The following EPAS1 variants were observed in gnomAD, a reference collection of about 807,000 sequenced individuals.
EPAS1 encodes endothelial PAS domain-containing protein 1.
EPAS1 carries 23 observed loss-of-function variants against 87.9 expected under a neutral mutation model. The ratio of observed to expected loss-of-function variants is 0.26; its 90% CI spans 0.19 to 0.37. EPAS1 has a LOEUF of 0.37. EPAS1 is among the 10% of genes least tolerant of loss of function. The pLI is 1.00. For missense variants in EPAS1, 1,138 were observed against 1,120.7 expected (o/e 1.02, Z -0.22); for synonymous variants, 508 against 444.3 (o/e 1.14, Z -1.80).
chr2:46,307,940 G>A (rs1245507554), intron 1 of EPAS1, among the ~76,000 whole-genome samples: 1 of 152,138 alleles, frequency 6.6e-6, no homozygotes, highest in Non-Finnish European at 1.5e-5. Context: ...GACACTCAGG[G>A]CCTCAGTAAA....
chr2:46,382,190 G>C, intron 14 of EPAS1, 101 bp downstream of exon 14: 1 of 1,169,480 alleles, frequency 8.6e-7, no homozygotes, highest in Non-Finnish European at 1.2e-6. Context: ...GGCCGTACCT[G>C]CCTCTCTGAG....
intron 1 of EPAS1, among the ~76,000 whole-genome samples, chr2:46,308,227 C>T (rs1346212930): frequency 2.6e-5 from 4 of 152,106 alleles, no homozygotes; most frequent in Admixed American, 6.5e-5. Flanking sequence ...TATTGTGAGC[C>T]CAGGCTTCCC....
In EPAS1 at chr2:46,347,444, A is replaced by G. The variant is rs1385885353; in HGVS notation, c.217+381A>G. 10 of 323,796 alleles carry G rather than the reference A, an allele frequency of 3.1e-5. No individual in the cohort carries two copies. The highest frequency in any genetic ancestry group is 1.2e-5 in the Non-Finnish European group (2 of 167,058). The allele number at this position is 323,796 out of a possible 1,614,324, so 20.1% of individuals were successfully genotyped here. A position where few individuals can be genotyped will look rare whatever the true frequency, so the allele number is the denominator to read the frequency against. Reference sequence around the variant, plus strand: ...GGAAGCATTCTAATCCTTAACTTCCAGTGCCTTCTCCAGAACAGCAAGAAG... The same window carrying G: ...GGAAGCATTCTAATCCTTAACTTCCGGTGCCTTCTCCAGAACAGCAAGAAG... On this transcript the variant is annotated intron_variant, in intron 2 of 15. Transcript: ENST00000263734. The surrounding 1 kb of genome is among the most constrained non-coding windows in gnomAD (Gnocchi z 4.2).
In EPAS1 at chr2:46,347,104, C is replaced by T; in HGVS notation, c.217+41C>T. 4 of 1,611,336 alleles carry T rather than the reference C, an allele frequency of 2.5e-6. No individual in the cohort carries two copies. The highest frequency in any genetic ancestry group is 3.4e-6 in the Non-Finnish European group (4 of 1,177,508). On this transcript the variant is annotated intron_variant, in intron 2 of 15. Coordinates refer to ENST00000263734, the MANE Select transcript of EPAS1 (RefSeq NM_001430.5). The surrounding 1 kb of genome is among the most constrained non-coding windows in gnomAD (Gnocchi z 4.2). ...TCCCCTAGGCTGGGCAGATGCCAGCCTTACCAGCATGTTCCTATATGCAGG... is the reference window on the plus strand; with the variant it reads ...TCCCCTAGGCTGGGCAGATGCCAGCTTTACCAGCATGTTCCTATATGCAGG...
intron 1 of EPAS1, among the ~76,000 whole-genome samples, chr2:46,312,437 A>G (rs1683230695): frequency 6.6e-6 from 1 of 152,234 alleles, no homozygotes; most frequent in Admixed American, 6.5e-5. Flanking sequence ...GAAATGAGCT[A>G]GAGTTTCATA....
intron 6 of EPAS1, among the ~76,000 whole-genome samples, chr2:46,362,135 C>T (rs769467642): frequency 4.6e-5 from 7 of 152,336 alleles, no homozygotes; most frequent in Non-Finnish European, 7.3e-5. Flanking sequence ...CATCTAGAGC[C>T]GCCATGTGTC....
rs187543960 is a variant in EPAS1 at position 46,376,533 on chromosome 2, C to G, written c.1035-6C>G. 1.0e-4 allele frequency: 163 copies of G among 1,613,810 alleles called. 1 individual carries two copies. In the East Asian group the frequency reaches 2.3e-3, roughly 22 times the overall value. ...AAAGTCTGAATGGCTCTTTCCCCCC[C>G]ATTAGTGAGATTGAGAAGAATGACG... On this transcript the variant is annotated splice_region_variant and splice_polypyrimidine_tract_variant and intron_variant, in intron 8 of 15. Transcript: ENST00000263734.
chr2:46,335,233 C>T (rs1055010365), intron 1 of EPAS1, among the ~76,000 whole-genome samples: 2 of 152,192 alleles, frequency 1.3e-5, no homozygotes, highest in Non-Finnish European at 2.9e-5. Context: ...GGATATTTCA[C>T]TATTAGCATG....
At chr2:46,302,655 T>C (rs537134325) in intron 1 of EPAS1, among the ~76,000 whole-genome samples, 17 of 148,242 alleles carry the variant, frequency 1.1e-4, no homozygotes, top group Non-Finnish European at 2.5e-4. Context: ...CACCGACTCC[T>C]ACTCTGGCTA....
At position 46,382,552 on chromosome 2, in the gene EPAS1, C is replaced by T; in HGVS notation, c.2415C>T (p.Ala805=). 1 of 1,614,166 alleles carries T rather than the reference C, an allele frequency of 6.2e-7. No individual in the cohort carries two copies. Among genetic ancestry groups the T allele is most frequent in the South Asian group, 1.1e-5 (1 of 91,086 alleles). ...GCAGGTTCCCCCCACAGTGCTACGCCACCCAGTACCAGGACTACAGCCTGT... is the reference window on the plus strand; with the variant it reads ...GCAGGTTCCCCCCACAGTGCTACGCTACCCAGTACCAGGACTACAGCCTGT... ...SKSRFPPQCY[A]TQYQDYSLSS... is the part of the protein sequence containing the mutation. Residue 805 remains alanine (A), a synonymous_variant, in exon 15 of 16, where the codon GCC becomes GCT. Coordinates refer to ENST00000263734, the MANE Select transcript of EPAS1 (RefSeq NM_001430.5).
At chr2:46,368,539 G>C (rs1684553055) in intron 6 of EPAS1, among the ~76,000 whole-genome samples, 1 of 152,178 alleles carries the variant, frequency 6.6e-6, no homozygotes. Context: ...ATGGCAGGTT[G>C]CAAGTAGTAT....
rs1025133790 is a variant in EPAS1 at position 46,302,162 on chromosome 2, G to T, written c.26+4225G>T. ...TGTGTGTGTGTGTGCCCGTGCGTCG[G>T]GGGGGGGGGCAGTGGTGATTCTCAA... On this transcript the variant is annotated intron_variant, in intron 1 of 15. Transcript: ENST00000263734. 5.3e-5 allele frequency among the ~76,000 whole-genome samples: 7 copies of T among 130,996 alleles called. 1 individual carries two copies. The highest frequency in any genetic ancestry group is 7.5e-5 in the Admixed American group (1 of 13,290). 85.9% of individuals were successfully genotyped at this position (130,996 alleles called of 152,430 possible). A position where few individuals can be genotyped will look rare whatever the true frequency, so the allele number is the denominator to read the frequency against.
chr2:46,361,875 C>G (rs1258903027), intron 6 of EPAS1, among the ~76,000 whole-genome samples: 1 of 152,164 alleles, frequency 6.6e-6, no homozygotes, highest in African/African-American at 2.4e-5. Flanking sequence ...TTTAGATACC[C>G]TACAGCTCCT....
intron 8 of EPAS1, among the ~76,000 whole-genome samples, chr2:46,376,328 C>T (rs1296871865): frequency 1.3e-5 from 2 of 152,096 alleles, no homozygotes; most frequent in Non-Finnish European, 2.9e-5. Context: ...AAACAGGATC[C>T]GAAACAGACA....
Position 46,362,855 on chromosome 2 carries a change from A to C in EPAS1, c.779+1765A>C, listed in dbSNP as rs1684421306. Among the ~76,000 whole-genome samples the C allele has an allele frequency of 2.0e-5, 3 of 152,106 alleles. No homozygotes were observed. The South Asian group carries it at 6.2e-4, about 31-fold the overall frequency. On this transcript the variant is annotated intron_variant, in intron 6 of 15. Transcript: ENST00000263734. ...CTTTGGAGCTAGTGGGTAGTTATAT[A>C]AGTAGAAAGAAATGCTCTAACCTCA...
intron 2 of EPAS1, among the ~76,000 whole-genome samples, chr2:46,349,053 T>C (rs1200865929): frequency 6.6e-6 from 1 of 152,142 alleles, no homozygotes; most frequent in African/African-American, 2.4e-5. Context: ...TGAATTTTGG[T>C]CCATGGGAAA....
Position 46,360,617 on chromosome 2 carries a change from T to G in EPAS1, c.455-21T>G. On this transcript the variant is annotated intron_variant, in intron 4 of 15. Coordinates refer to ENST00000263734, the MANE Select transcript of EPAS1 (RefSeq NM_001430.5). This position sits in a 1 kb window ranked among gnomAD's most constrained non-coding sequence, Gnocchi z 4.5. The stretch of plus-strand genomic sequence containing the variant: ...ATATAAAACTGACTTCAGCTGGTTC[T>G]TCCCATCCTTCCACATCCAGGCTCT... The G allele has an allele frequency of 1.2e-6, 2 of 1,608,206 alleles. No homozygotes were observed. Among genetic ancestry groups the G allele is most frequent in the Non-Finnish European group, 1.7e-6 (2 of 1,174,726 alleles).
At chr2:46,311,051 T>C (rs1683202351) in intron 1 of EPAS1, among the ~76,000 whole-genome samples, 1 of 152,270 alleles carries the variant, frequency 6.6e-6, no homozygotes, top group East Asian at 1.9e-4. Flanking sequence ...TAATTTTTTT[T>C]GTATTTTTAG....
intron 1 of EPAS1, among the ~76,000 whole-genome samples, chr2:46,337,260 G>A (rs1039979848): frequency 1.3e-5 from 2 of 152,186 alleles, no homozygotes; most frequent in Admixed American, 6.5e-5. Flanking sequence ...AGCAACACAG[G>A]GCCAAATCGT....
Sources: allele counts gnomAD v4.1 joint callset (sites outside exome capture counted in the v4.1 genomes callset), GRCh38; gene constraint gnomAD v4.1.1; non-coding constraint Gnocchi (gnomAD v3.1); transcripts MANE v1.5; gene names NCBI Gene and HGNC (gene_info 2026-07-23, HGNC 2026-07-21).